Variants in GPLD1 observed in about 807,000 individuals in gnomAD.
GPLD1 encodes the protein glycosylphosphatidylinositol specific phospholipase D1.
In GPLD1, 84 loss-of-function variants were observed where a neutral mutation model predicts 112.6. That is an observed-to-expected ratio of 0.75 (90% CI 0.63 to 0.89). The LOEUF (loss-of-function observed/expected upper bound fraction) is 0.89. Ranked by LOEUF, GPLD1 falls within the 40% of genes least tolerant of loss-of-function variation. The probability of loss-of-function intolerance (pLI) is 0.00; values close to 1 mark genes in which losing one functional copy is unlikely to be tolerated. For synonymous variants in GPLD1, 386 were observed against 403.8 expected, an observed-to-expected ratio of 0.96 and a Z score of 0.53; for missense variants, 1,044 against 1,051.5, an observed-to-expected ratio of 0.99 and a Z score of 0.10.
intron 22 of GPLD1, chr6:24,435,836 A>AAAAAAAAAAAAAAAATAAAAAAAT (rs1427422814): frequency 1.4e-5 from 2 of 146,526 alleles, no homozygotes; most frequent in Non-Finnish European, 3.0e-5. Context: ...AAAAAAAAAA[A>AAAAAAAAAAAAAAAATAAAAAAAT]AAAAAAAAAA....
chr6:24,485,706 G>C (rs112680741), intron 2 of GPLD1, among the ~76,000 whole-genome samples: 4,578 of 143,126 alleles, frequency 0.032, 152 homozygotes, highest in African/African-American at 0.077. Context: ...TTTCACTCTT[G>C]TTGCCCAGGC....
intron 24 of GPLD1, among the ~76,000 whole-genome samples, chr6:24,432,809 C>T (rs984028110): frequency 1.3e-5 from 2 of 152,168 alleles, no homozygotes; most frequent in African/African-American, 2.4e-5. Context: ...CCACAGCAGA[C>T]GAGCCCGGCT....
rs1462177636 is a variant in GPLD1, at chr6:24,429,043, C to G, written c.2512G>C (p.Gly838Arg). Reference protein sequence around the residue: ...LSGALHVYSLGSD With the variant: ...LSGALHVYSLRSD ...ATGCAGTGAAATCTTCAATCTGAGC[C>G]AAGGCTATAGACGTGAAGTGCCCCG... is the stretch of plus-strand genomic sequence containing the variant. Residue 838 changes from glycine to arginine, a missense_variant, in exon 25 of 25, where the codon GGC (glycine) becomes CGC (arginine). Transcript: ENST00000230036. 2 of 1,610,566 alleles carry G rather than the reference C, an allele frequency of 1.2e-6. No homozygotes were observed. Among genetic ancestry groups the G allele is most frequent in the Non-Finnish European group, 1.7e-6 (2 of 1,177,316 alleles).
chr6:24,428,989 A>AG lies in GPLD1; in HGVS notation c.*42dup. 2 of 1,332,364 alleles carry AG rather than the reference A, an allele frequency of 1.5e-6. No homozygotes were observed. Among genetic ancestry groups the AG allele is most frequent in the South Asian group, 2.4e-5 (2 of 81,886 alleles). 82.5% of individuals were successfully genotyped at this position (1,332,364 alleles called of 1,614,324 possible). On this transcript the variant is annotated 3_prime_UTR_variant, in exon 25 of 25. Coordinates refer to ENST00000230036, the MANE Select transcript of GPLD1 (RefSeq NM_001503.4). ...AAAATGCTCACCATGGATGTGATTCAGCATGAGAGAGGTGGGCAGAGTGGG... is the reference window on the plus strand; with the variant it reads ...AAAATGCTCACCATGGATGTGATTCAGGCATGAGAGAGGTGGGCAGAGTGGG...
At chr6:24,472,203 T>A (rs1288199600) in intron 7 of GPLD1, among the ~76,000 whole-genome samples, 1 of 152,180 alleles carries the variant, frequency 6.6e-6, no homozygotes, top group Non-Finnish European at 1.5e-5. Context: ...GTAACCTCAT[T>A]AGCAATCTGG....
rs763198464 is a variant in GPLD1, at chr6:24,445,609, T to C, written c.1957A>G (p.Ser653Gly). The change falls in exon 20 of 25, where the codon AGT becomes GGT. Residue 653 changes from serine to glycine, a missense_variant. Ser to Gly is a moderately conservative substitution (Grantham distance 56). Transcript: ENST00000230036. ...AMGKLGTSLSSGHVLMNGTLK... is the reference protein window; with the variant it reads ...AMGKLGTSLSGGHVLMNGTLK... ...GTCCCATTCATCAGTACGTGGCCAC[T>C]GGAAAGGGAAGTACCCAGTTTCCCC... 1.9e-6 allele frequency: 3 copies of C among 1,613,892 alleles called. No individual in the cohort carries two copies. The highest frequency in any genetic ancestry group is 2.5e-6 in the Non-Finnish European group (3 of 1,179,856).
chr6:24,478,274 G>C (rs981435448), intron 3 of GPLD1, among the ~76,000 whole-genome samples: 2 of 152,154 alleles, frequency 1.3e-5, no homozygotes. Context: ...AAAATAATAG[G>C]ATTGAGAAAT....
chr6:24,455,363 C>G (rs940089363), intron 13 of GPLD1, among the ~76,000 whole-genome samples: 4 of 152,208 alleles, frequency 2.6e-5, no homozygotes, highest in African/African-American at 9.7e-5. Context: ...TGCACTAGAG[C>G]TGAATGCACA....
At chr6:24,445,917 C>T (rs1324384431) in intron 18 of GPLD1, 86 bp from the exon 19 acceptor site, 3 of 919,380 alleles carry the variant, frequency 3.3e-6, no homozygotes, top group Non-Finnish European at 5.3e-6. Flanking sequence ...GGAAATGCAC[C>T]TCCCCCCATC....
At position 24,476,199 on chromosome 6, in the gene GPLD1, A is replaced by G. The variant is rs1247212503; in HGVS notation, c.312T>C (p.Tyr104=). Reference sequence around the variant, plus strand: ...CGCCTACCTTCTCCCAGGGAAGGGGATAGTTCTCTCGGATATAATGAACGC... The same window carrying G: ...CGCCTACCTTCTCCCAGGGAAGGGGGTAGTTCTCTCGGATATAATGAACGC... ...NASVHYIREN[Y]PLPWEKDTEK... The change falls in exon 4 of 25, where the codon TAT becomes TAC. Residue 104 remains tyrosine (Y), a synonymous_variant. Transcript: ENST00000230036. The G allele has an allele frequency of 1.3e-6, 2 of 1,553,846 alleles. No homozygotes were observed. The highest frequency in any genetic ancestry group is 1.4e-5 in the African/African-American group (1 of 73,842).
chr6:24,480,435 G>C (rs1201242822), intron 2 of GPLD1, among the ~76,000 whole-genome samples: 1 of 152,114 alleles, frequency 6.6e-6, no homozygotes, highest in African/African-American at 2.4e-5. Context: ...CGATTCTCCT[G>C]CCTCAGCCTC....
At chr6:24,482,146 C>T (rs897812228) in intron 2 of GPLD1, among the ~76,000 whole-genome samples, 5 of 136,126 alleles carry the variant, frequency 3.7e-5, no homozygotes, top group African/African-American at 1.4e-4. Context: ...TGTCACCGGG[C>T]TGGAGTGCAG....
intron 18 of GPLD1, 33 bp from the exon 19 acceptor site, chr6:24,445,864 G>T: frequency 1.4e-6 from 2 of 1,449,556 alleles, no homozygotes; most frequent in South Asian, 2.3e-5. Context: ...TAGCTGCCAG[G>T]GCACAAGACT....
chr6:24,426,130 A>G lies in GPLD1; in HGVS notation c.*2902T>C, dbSNP rs1327765683. 5 of 152,264 alleles carry G rather than the reference A, an allele frequency of 3.3e-5. No individual in the cohort carries two copies. The highest frequency in any genetic ancestry group is 5.9e-5 in the Non-Finnish European group (4 of 68,044). 9.4% of individuals were successfully genotyped at this position (152,264 alleles called of 1,614,324 possible). On this transcript the variant is annotated 3_prime_UTR_variant, in exon 25 of 25. Coordinates refer to ENST00000230036, the MANE Select transcript of GPLD1 (RefSeq NM_001503.4). ...ACATATACGCAGATAGTAGCAAGAC[A>G]GAAAATGCAAATATGTAAATGTCTT...
At chr6:24,432,019 G>C (rs962630423) in intron 24 of GPLD1, among the ~76,000 whole-genome samples, 1 of 151,972 alleles carries the variant, frequency 6.6e-6, no homozygotes, top group Admixed American at 6.6e-5. Context: ...GGGCCAAGGT[G>C]GGTGGATCTC....
intron 10 of GPLD1, among the ~76,000 whole-genome samples, chr6:24,464,301 G>T (rs1763527266): frequency 6.6e-6 from 1 of 152,164 alleles, no homozygotes; most frequent in South Asian, 2.1e-4. Flanking sequence ...ATTTTGGAAG[G>T]TTTAGCAACT....
At position 24,460,357 on chromosome 6, in the gene GPLD1, T is replaced by C; in HGVS notation, c.930A>G (p.Thr310=). The C allele has an allele frequency of 6.2e-7, 1 of 1,613,240 alleles. No individual in the cohort carries two copies. The highest frequency in any genetic ancestry group is 8.5e-7 in the Non-Finnish European group (1 of 1,179,184). The change falls in exon 12 of 25, where the codon ACA becomes ACG. Residue 310 remains threonine, a synonymous_variant. Coordinates refer to ENST00000230036, the MANE Select transcript of GPLD1 (RefSeq NM_001503.4). Reference sequence around the variant, plus strand: ...TCCTGTCAACACTTTCAGTTAGGGATGTAGTCAAATTTCTGTGAAAATCAT... The same window carrying C: ...TCCTGTCAACACTTTCAGTTAGGGACGTAGTCAAATTTCTGTGAAAATCAT... ...QKNDFHRNLT[T]SLTESVDRNI... is the part of the protein sequence containing the mutation.
At position 24,474,174 on chromosome 6, in the gene GPLD1, T is replaced by TACAC. The variant is rs56324939; in HGVS notation, c.442-511_442-508dup. Reference sequence around the variant, plus strand: ...AACAACAAAAAAAACCACACCCACATACACACACACACACACACACACACA... The same window carrying TACAC: ...AACAACAAAAAAAACCACACCCACATACACACACACACACACACACACACACACA... On this transcript the variant is annotated intron_variant, in intron 5 of 24. Transcript: ENST00000230036. Among the ~76,000 whole-genome samples the TACAC allele has an allele frequency of 5.7e-3, 837 of 145,626 alleles. 4 individuals carry two copies. Among genetic ancestry groups the TACAC allele is most frequent in the Middle Eastern group, 0.025 (7 of 284 alleles).
chr6:24,469,875 T>A (rs375740323), intron 7 of GPLD1, among the ~76,000 whole-genome samples: 23 of 152,190 alleles, frequency 1.5e-4, no homozygotes, highest in African/African-American at 4.8e-4. Context: ...AAGAAACAAT[T>A]GAGAGACTCA....
Sources: gnomAD v4.1 joint callset for allele counts (sites outside exome capture counted in the v4.1 genomes callset) on GRCh38, gnomAD v4.1.1 for gene constraint, MANE v1.5 for transcripts, NCBI Gene and HGNC (gene_info 2026-07-23, HGNC 2026-07-21) for gene names.